The following PTCHD4 variants were observed in gnomAD, a reference collection of about 807,000 sequenced individuals.
PTCHD4 encodes patched domain-containing protein 4.
A neutral mutation model predicts 58.1 loss-of-function variants in PTCHD4; 33 were observed. That is an observed-to-expected ratio of 0.57 (90% confidence interval 0.43 to 0.76). The LOEUF is 0.76. Among genes scored for constraint, PTCHD4 ranks in the 30% least tolerant of loss-of-function variants. The pLI is 0.00. For missense variants in PTCHD4, 1,058 were observed against 1,027.1 expected (o/e 1.03, Z -0.41); for synonymous variants, 478 against 409.6 (o/e 1.17, Z -2.02).
intron 4 of PTCHD4, among the ~76,000 whole-genome samples, chr6:47,965,974 CT>C (rs1767276698): frequency 6.6e-6 from 1 of 152,024 alleles, no homozygotes; most frequent in Non-Finnish European, 1.5e-5. Flanking sequence ...CCTCTTGGTT[CT>C]AAGAAGTTCC....
intron 4 of PTCHD4, among the ~76,000 whole-genome samples, chr6:47,959,231 G>A (rs1468230583): frequency 6.6e-6 from 1 of 152,126 alleles, no homozygotes. Flanking sequence ...CAGACATGAT[G>A]TACAAAATGA....
intron 4 of PTCHD4, among the ~76,000 whole-genome samples, chr6:47,977,875 T>A (rs936660620): frequency 6.6e-6 from 1 of 151,818 alleles, no homozygotes; most frequent in African/African-American, 2.4e-5. Context: ...AACAAAAATC[T>A]ATTTCTTTTA....
intron 4 of PTCHD4, among the ~76,000 whole-genome samples, chr6:47,960,351 T>C (rs1176603652): frequency 1.3e-5 from 2 of 152,140 alleles, no homozygotes; most frequent in Admixed American, 6.5e-5. Context: ...AGACTTAAAT[T>C]GAACCATTAA....
chr6:48,090,305 T>C (rs751576065), intron 1 of PTCHD4, among the ~76,000 whole-genome samples: 1 of 152,212 alleles, frequency 6.6e-6, no homozygotes, highest in Non-Finnish European at 1.5e-5. Context: ...CATTTTTACA[T>C]GATCATTGGA....
At chr6:47,948,682 T>C (rs532740303) in intron 4 of PTCHD4, among the ~76,000 whole-genome samples, 3 of 152,200 alleles carry the variant, frequency 2.0e-5, no homozygotes, top group African/African-American at 7.2e-5. Context: ...TTAATCTGAC[T>C]TCCTTCTAAT....
chr6:47,871,231 C>G lies in PTCHD4; in HGVS notation c.*7072G>C, dbSNP rs746611908. 2.0e-5 allele frequency among the ~76,000 whole-genome samples: 3 copies of G among 151,446 alleles called. No individual in the cohort carries two copies. The highest frequency in any genetic ancestry group is 4.4e-5 in the Non-Finnish European group (3 of 67,658). On this transcript the variant is annotated 3_prime_UTR_variant, in exon 5 of 5. Coordinates refer to ENST00000339488, the MANE Select transcript of PTCHD4 (RefSeq NM_001384253.1). ...GTAAGTGACTTGTGTTTTAAAAACC[C>G]CGATTTAGCAGAAAATAATAGCAAT... is the stretch of plus-strand genomic sequence containing the variant.
At chr6:48,057,747 C>A (rs1261394871) in intron 3 of PTCHD4, among the ~76,000 whole-genome samples, 2 of 152,156 alleles carry the variant, frequency 1.3e-5, no homozygotes, top group Non-Finnish European at 2.9e-5. Flanking sequence ...GTAATGATAA[C>A]TGAAACTACA....
chr6:47,874,993 T>A lies in PTCHD4; in HGVS notation c.*3310A>T, dbSNP rs1294776033. ...TGAAGTTTATTAACATCAAAGAGAG[T>A]GGAGCTCACATGGCACTTTCCAATT... On this transcript the variant is annotated 3_prime_UTR_variant, in exon 5 of 5. Transcript: ENST00000339488. Among the ~76,000 whole-genome samples the A allele has an allele frequency of 6.6e-6, 1 of 151,674 alleles. No individual in the cohort carries two copies. The highest frequency in any genetic ancestry group is 2.4e-5 in the African/African-American group (1 of 41,354).
intron 4 of PTCHD4, among the ~76,000 whole-genome samples, chr6:47,982,481 C>CTTTTTTTTTTTTTTTTTTTTTT (rs375869071): frequency 1.5e-5 from 2 of 130,794 alleles, no homozygotes; most frequent in Non-Finnish European, 1.6e-5. Context: ...TTATCTCTCT[C>CTTTTTTTTTTTTTTTTTTTTTT]TTTTTTTTTT....
chr6:47,931,769 C>T (rs886922572), intron 4 of PTCHD4, among the ~76,000 whole-genome samples: 7 of 144,828 alleles, frequency 4.8e-5, no homozygotes, highest in African/African-American at 1.7e-4. Flanking sequence ...ATAATAATGG[C>T]ACACAATAGC....
chr6:48,058,873 G>A (rs1037392529), intron 3 of PTCHD4, among the ~76,000 whole-genome samples: 2 of 152,202 alleles, frequency 1.3e-5, no homozygotes, highest in African/African-American at 4.8e-5. Context: ...AAGGGTCTAT[G>A]TCCATCTTAT....
At chr6:48,051,600 A>G (rs1764237240) in intron 3 of PTCHD4, among the ~76,000 whole-genome samples, 1 of 152,072 alleles carries the variant, frequency 6.6e-6, no homozygotes, top group East Asian at 1.9e-4. Context: ...TTCTTGGTCC[A>G]TACCCATAAA....
chr6:48,001,111 C>CA (rs762492694), intron 4 of PTCHD4, among the ~76,000 whole-genome samples: 15 of 151,478 alleles, frequency 9.9e-5, no homozygotes, highest in Non-Finnish European at 2.1e-4. Flanking sequence ...AAAGAGGATA[C>CA]AAAAAAAATG....
At chr6:47,971,497 A>G (rs1172749616) in intron 4 of PTCHD4, among the ~76,000 whole-genome samples, 2 of 152,192 alleles carry the variant, frequency 1.3e-5, no homozygotes, top group South Asian at 2.1e-4. Context: ...AGAGTTACCT[A>G]TAAAGCCTGG....
At chr6:48,043,052 C>T (rs929529477) in intron 3 of PTCHD4, among the ~76,000 whole-genome samples, 22 of 151,924 alleles carry the variant, frequency 1.4e-4, no homozygotes, top group Admixed American at 1.2e-3. Context: ...GAGACAGTAT[C>T]GGTGACTATG....
At chr6:47,980,934 T>C (rs921689100) in intron 4 of PTCHD4, among the ~76,000 whole-genome samples, 12 of 152,084 alleles carry the variant, frequency 7.9e-5, no homozygotes, top group Non-Finnish European at 1.6e-4. Context: ...TTTCTGTATG[T>C]AAGTAGCTTT....
intron 4 of PTCHD4, among the ~76,000 whole-genome samples, chr6:47,929,490 T>C (rs1410395493): frequency 6.6e-6 from 1 of 152,254 alleles, no homozygotes; most frequent in Non-Finnish European, 1.5e-5. Flanking sequence ...CATTTTAAGA[T>C]GCTGCCTATT....
intron 3 of PTCHD4, among the ~76,000 whole-genome samples, chr6:48,034,477 T>A (rs921534601): frequency 6.6e-6 from 1 of 152,126 alleles, no homozygotes; most frequent in Non-Finnish European, 1.5e-5. Flanking sequence ...TACTTCATTC[T>A]CTTAATTTCC....
At chr6:48,064,573 TA>T (rs1222604526) in intron 3 of PTCHD4, among the ~76,000 whole-genome samples, 7 of 152,062 alleles carry the variant, frequency 4.6e-5, no homozygotes, top group African/African-American at 1.4e-4. Context: ...AAATAGCCCC[TA>T]AATATTTGGG....
Sources: allele counts gnomAD v4.1 joint callset (sites outside exome capture counted in the v4.1 genomes callset), GRCh38; gene constraint gnomAD v4.1.1; transcripts MANE v1.5; gene names NCBI Gene and HGNC (gene_info 2026-07-23, HGNC 2026-07-21).